Variants in GARNL3 observed in about 807,000 individuals in gnomAD.
The protein encoded by GARNL3 is GTPase activating Rap/RanGAP domain like 3.
GARNL3 carries 63 observed loss-of-function variants against 125.0 expected under a neutral mutation model. The ratio of observed to expected loss-of-function variants is 0.50; its 90% CI spans 0.41 to 0.62. GARNL3 has a LOEUF of 0.62. Ranked by LOEUF, GARNL3 falls within the 20% of genes least tolerant of loss-of-function variation. The pLI is 0.00. For synonymous variants in GARNL3, 439 were observed against 457.5 expected, an observed-to-expected ratio of 0.96 and a Z score of 0.52; for missense variants, 994 against 1,244.0, an observed-to-expected ratio of 0.80 and a Z score of 3.02.
At chr9:127,306,963 A>C (rs2064974680) in intron 2 of GARNL3, among the ~76,000 whole-genome samples, 1 of 152,168 alleles carries the variant, frequency 6.6e-6, no homozygotes, top group Non-Finnish European at 1.5e-5. Flanking sequence ...TAAATACTGT[A>C]ATTTTGAAAA....
Position 127,390,757 on chromosome 9 carries a change from A to G in GARNL3, c.2860A>G (p.Ser954Gly). 6.2e-7 allele frequency: 1 copy of G among 1,613,496 alleles called. No individual in the cohort carries two copies. Residue 954 changes from serine to glycine, a missense_variant, in exon 27 of 28, where the codon AGC (serine) becomes GGC (glycine). Physicochemically the swap from Ser to Gly is moderately conservative, Grantham distance 56 (BLOSUM62 0). Coordinates refer to ENST00000373387, the MANE Select transcript of GARNL3 (RefSeq NM_032293.5). ...GPKPGAVRSS[S>G]SDRIPSGSLE... ...CAAGCCAGGGGCAGTGAGGTCATCT[A>G]GCAGTGACAGGTAAAGAGAGGGAGA...
At chr9:127,371,391 A>G (rs1831599566) in intron 22 of GARNL3, among the ~76,000 whole-genome samples, 2 of 152,024 alleles carry the variant, frequency 1.3e-5, no homozygotes, top group Admixed American at 1.3e-4. Context: ...GGAAATCTCT[A>G]TGTGATTTCC....
intron 1 of GARNL3, among the ~76,000 whole-genome samples, chr9:127,229,214 A>T (rs1252024291): frequency 6.6e-6 from 1 of 152,124 alleles, no homozygotes; most frequent in East Asian, 1.9e-4. Context: ...TGCTTCGAAA[A>T]ACTACCCCTT....
At chr9:127,365,270 G>C (rs778711474) in intron 21 of GARNL3, 30 bp from the exon 22 acceptor site, 2 of 1,587,020 alleles carry the variant, frequency 1.3e-6, no homozygotes, top group East Asian at 4.5e-5. Context: ...CATCCAGCCT[G>C]CCCACTACCG....
At chr9:127,225,031 C>T (rs1315028674) in intron 1 of GARNL3, among the ~76,000 whole-genome samples, 2 of 90,860 alleles carry the variant, frequency 2.2e-5, no homozygotes, top group African/African-American at 4.3e-5. Flanking sequence ...GCTGAGCGGG[C>T]GCGGGGCGGG....
chr9:127,226,052 A>G (rs977296320), intron 1 of GARNL3, among the ~76,000 whole-genome samples: 1 of 152,198 alleles, frequency 6.6e-6, no homozygotes, highest in African/African-American at 2.4e-5. Flanking sequence ...AGATGACTCC[A>G]ACGTCCTCTC....
At chr9:127,290,087 C>T (rs1178053475) in intron 1 of GARNL3, among the ~76,000 whole-genome samples, 3 of 152,014 alleles carry the variant, frequency 2.0e-5, no homozygotes, top group African/African-American at 4.8e-5. Flanking sequence ...TCAGTTTCCT[C>T]GTTCATAAAT....
At chr9:127,388,711 C>T in intron 25 of GARNL3, 193 bp from the exon 26 acceptor site, 1 of 591,480 alleles carries the variant, frequency 1.7e-6, no homozygotes, top group Non-Finnish European at 3.0e-6. Context: ...CATGAAAATG[C>T]TCTTAGAAAA....
chr9:127,245,842 G>A (rs1164289355), intron 2 of GARNL3, among the ~76,000 whole-genome samples: 1 of 152,206 alleles, frequency 6.6e-6, no homozygotes, highest in African/African-American at 2.4e-5. Flanking sequence ...TGACAGAACA[G>A]GGATTGGACT....
At chr9:127,226,513 G>A (rs1207676284) in intron 1 of GARNL3, among the ~76,000 whole-genome samples, 1 of 152,186 alleles carries the variant, frequency 6.6e-6, no homozygotes, top group Admixed American at 6.5e-5. Flanking sequence ...TCTGTGTGTT[G>A]TATGAGTCAG....
intron 21 of GARNL3, 38 bp from the exon 22 acceptor site, chr9:127,365,262 T>C: frequency 6.4e-7 from 1 of 1,564,424 alleles, no homozygotes; most frequent in Non-Finnish European, 8.8e-7. Flanking sequence ...AGGGTCAGCA[T>C]CCAGCCTGCC....
intron 1 of GARNL3, among the ~76,000 whole-genome samples, chr9:127,275,997 A>G (rs371401676): frequency 1.3e-5 from 2 of 152,196 alleles, no homozygotes; most frequent in African/African-American, 4.8e-5. Flanking sequence ...TGCTCCTTGT[A>G]ATGGTTCCAC....
intron 4 of GARNL3, among the ~76,000 whole-genome samples, chr9:127,316,658 C>T (rs910918481): frequency 5.9e-5 from 9 of 152,106 alleles, no homozygotes; most frequent in African/African-American, 2.2e-4. Context: ...AAAGCTCAGC[C>T]CAGTTTCCTT....
chr9:127,328,384 A>G (rs766265060), intron 7 of GARNL3, among the ~76,000 whole-genome samples: 4 of 152,160 alleles, frequency 2.6e-5, no homozygotes, highest in Non-Finnish European at 1.5e-5. Context: ...ATTTATCCCA[A>G]TTCCAGCCTA....
chr9:127,354,568 G>A (rs1830587106), intron 19 of GARNL3, among the ~76,000 whole-genome samples, 158 bp downstream of exon 19: 1 of 152,130 alleles, frequency 6.6e-6, no homozygotes, highest in South Asian at 2.1e-4. Context: ...TCCAGAAGGA[G>A]CTTGAAAGCT....
At chr9:127,291,117 A>G (rs747440602) in intron 1 of GARNL3, 51 bp from the exon 2 acceptor site, 1 of 1,558,196 alleles carries the variant, frequency 6.4e-7, no homozygotes, top group Non-Finnish European at 8.9e-7. Context: ...TTACATACAG[A>G]TAGAAGAGAC....
At chr9:127,257,727 A>C (rs983241761) in intron 2 of GARNL3, among the ~76,000 whole-genome samples, 5 of 152,256 alleles carry the variant, frequency 3.3e-5, no homozygotes, top group African/African-American at 4.8e-5. Flanking sequence ...GTATACTGGC[A>C]GTTGTTGGGG....
intron 2 of GARNL3, among the ~76,000 whole-genome samples, chr9:127,293,558 T>G (rs1274131267): frequency 3.9e-5 from 6 of 152,220 alleles, no homozygotes; most frequent in Non-Finnish European, 8.8e-5. Context: ...GCTTGGTCAC[T>G]TTTTATAGTT....
At chr9:127,238,797 C>T (rs745450081) in intron 1 of GARNL3, among the ~76,000 whole-genome samples, 4 of 152,156 alleles carry the variant, frequency 2.6e-5, no homozygotes, top group African/African-American at 4.8e-5. Context: ...CTCATCTGTC[C>T]GGTGCTGCGT....
Sources: gnomAD v4.1 joint callset for allele counts (sites outside exome capture counted in the v4.1 genomes callset) on GRCh38, gnomAD v4.1.1 for gene constraint, MANE v1.5 for transcripts, NCBI Gene and HGNC (gene_info 2026-07-23, HGNC 2026-07-21) for gene names.